The following RAB19 variants were observed in gnomAD, a reference collection of about 807,000 sequenced individuals.
RAB19 encodes ras-related protein Rab-19.
A neutral mutation model predicts 17.3 loss-of-function variants in RAB19; 21 were observed. The ratio of observed to expected loss-of-function variants is 1.21; its 90% CI spans 0.86 to 1.74. RAB19 has a LOEUF of 1.74. Among genes scored for constraint, RAB19 ranks in the 40% most tolerant of loss-of-function variants. The pLI, the probability that RAB19 is intolerant of heterozygous loss-of-function variation, is 0.00. For missense variants in RAB19, 277 were observed against 286.8 expected (o/e 0.97, Z 0.25); for synonymous variants, 126 against 110.4 (o/e 1.14, Z -0.88).
rs1172427827 is a variant in RAB19, at chr7:140,426,142, A to T, written c.646A>T (p.Thr216Ser). 6.2e-7 allele frequency: 1 copy of T among 1,612,798 alleles called. No homozygotes were observed. Among genetic ancestry groups the T allele is most frequent in the Admixed American group, 1.7e-5 (1 of 59,664 alleles). The change falls in exon 4 of 4, where the codon ACT (threonine) becomes TCT (serine). Residue 216 changes from threonine (T) to serine (S), a missense_variant. Physicochemically the swap from Thr to Ser is moderately conservative, Grantham distance 58. Coordinates refer to ENST00000537763, the MANE Select transcript of RAB19 (RefSeq NM_001008749.3). ...GGGTCCAAGTGAAAAGACCCACTGC[A>T]CTTGCTAAGATGTTTGCAAAGCCAG... ...AQGPSEKTHC[T>S]C
chr7:140,418,366 A>G (rs994876857), intron 3 of RAB19, among the ~76,000 whole-genome samples: 29 of 137,946 alleles, frequency 2.1e-4, no homozygotes, highest in Non-Finnish European at 1.1e-4. Flanking sequence ...AGCCTGGGCA[A>G]CATGGTGAAA....
Position 140,407,652 on chromosome 7 carries a change from C to T in RAB19, c.6C>T (p.His2=). 1 of 1,614,098 alleles carries T rather than the reference C, an allele frequency of 6.2e-7. No homozygotes were observed. Among genetic ancestry groups the T allele is most frequent in the South Asian group, 1.1e-5 (1 of 91,084 alleles). The change falls in exon 2 of 4, where the codon CAC becomes CAT. Residue 2 remains histidine, a synonymous_variant. Transcript: ENST00000537763. ...TGTTCTAGGTGGCAAGAACCATGCA[C>T]TTCTCCAGCTCAGCCAGGGCAGCAG... M[H]FSSSARAADE... is the part of the protein sequence containing the mutation.
Position 140,409,631 on chromosome 7 carries a change from G to A in RAB19, c.201+1784G>A, listed in dbSNP as rs572801750. 1.4e-4 allele frequency among the ~76,000 whole-genome samples: 21 copies of A among 152,062 alleles called. No homozygotes were observed. In the South Asian group the frequency reaches 2.5e-3, roughly 18 times the overall value. ...GAAAATTACTTGAACCCAGGAGGCA[G>A]AGGTTGCAGTGAGCTGAGATCACAC... On this transcript the variant is annotated intron_variant, in intron 2 of 3. Coordinates refer to ENST00000537763, the MANE Select transcript of RAB19 (RefSeq NM_001008749.3).
chr7:140,417,864 C>A (rs1184724851), intron 3 of RAB19, among the ~76,000 whole-genome samples: 1 of 152,190 alleles, frequency 6.6e-6, no homozygotes, highest in Non-Finnish European at 1.5e-5. Context: ...CCTCTACCTC[C>A]CCCTTGTAAG....
At chr7:140,408,777 G>A (rs1231037906) in intron 2 of RAB19, among the ~76,000 whole-genome samples, 1 of 151,830 alleles carries the variant, frequency 6.6e-6, no homozygotes, top group Non-Finnish European at 1.5e-5. Context: ...CACCCAGCCT[G>A]AGACAGGGTC....
chr7:140,415,736 T>C (rs1799444167), intron 3 of RAB19, among the ~76,000 whole-genome samples: 2 of 150,560 alleles, frequency 1.3e-5, no homozygotes, highest in South Asian at 4.2e-4. Flanking sequence ...GCGGATTATT[T>C]TGTAATAAAA....
intron 2 of RAB19, chr7:140,411,038 C>A (rs751698721): frequency 7.3e-7 from 1 of 1,367,742 alleles, no homozygotes; most frequent in Non-Finnish European, 9.8e-7. Flanking sequence ...AAAAGATGAG[C>A]CCCCAAATCT....
rs1458582423 is a variant in RAB19 at position 140,427,671 on chromosome 7, C to T, written c.*1521C>T. Among the ~76,000 whole-genome samples the T allele has an allele frequency of 3.3e-5, 5 of 149,994 alleles. No individual in the cohort carries two copies. The highest frequency in any genetic ancestry group is 3.0e-5 in the Non-Finnish European group (2 of 67,436). ...TTCACCACGTTGGCCAGGCTGGTCT[C>T]GAACTCCTGACCTCATGATCCACCT... On this transcript the variant is annotated 3_prime_UTR_variant, in exon 4 of 4. Coordinates refer to ENST00000537763, the MANE Select transcript of RAB19 (RefSeq NM_001008749.3).
chr7:140,407,703 GATTATCCTC>G lies in RAB19; in HGVS notation c.61_69del (p.Ile21_Ile23del). On this transcript the variant is annotated inframe_deletion, in exon 2 of 4. Coordinates refer to ENST00000537763, the MANE Select transcript of RAB19 (RefSeq NM_001008749.3). ...ATGAGAACTTTGACTATTTGTTCAAGATTATCCTCATTGGGGATTCCAATGTGGGGAAGA... is the reference window on the plus strand; with the variant it reads ...ATGAGAACTTTGACTATTTGTTCAAGATTGGGGATTCCAATGTGGGGAAGA... The G allele has an allele frequency of 6.2e-7, 1 of 1,614,084 alleles. No homozygotes were observed. Among genetic ancestry groups the G allele is most frequent in the Non-Finnish European group, 8.5e-7 (1 of 1,180,024 alleles).
intron 3 of RAB19, 107 bp downstream of exon 3, chr7:140,412,164 T>G: frequency 4.1e-6 from 5 of 1,221,918 alleles, no homozygotes; most frequent in Non-Finnish European, 4.7e-6. Context: ...AAAGTGTAAG[T>G]GATGCAGCCG....
intron 3 of RAB19, among the ~76,000 whole-genome samples, chr7:140,417,896 G>A (rs1320976947): frequency 1.3e-5 from 2 of 152,066 alleles, no homozygotes; most frequent in Non-Finnish European, 1.5e-5. Context: ...TTGCATTCAG[G>A]GCCTGCCCAG....
At chr7:140,421,427 C>G (rs1187277244) in intron 3 of RAB19, among the ~76,000 whole-genome samples, 1 of 151,610 alleles carries the variant, frequency 6.6e-6, no homozygotes, top group Non-Finnish European at 1.5e-5. Context: ...GTGGCCCAAT[C>G]TTGCTTCACT....
intron 1 of RAB19, among the ~76,000 whole-genome samples, chr7:140,406,454 A>G (rs933311793): frequency 1.3e-5 from 2 of 151,836 alleles, no homozygotes; most frequent in Admixed American, 6.6e-5. Flanking sequence ...AGCCTGACCA[A>G]CATGGTGAAA....
At chr7:140,425,834 A>G (rs758519967) in intron 3 of RAB19, 48 bp from the exon 4 acceptor site, 1 of 1,548,260 alleles carries the variant, frequency 6.5e-7, no homozygotes, top group Non-Finnish European at 8.7e-7. Context: ...TTTGAAAGAA[A>G]CCAGATTAAG....
intron 1 of RAB19, among the ~76,000 whole-genome samples, chr7:140,406,685 C>T (rs952496705): frequency 1.3e-5 from 2 of 151,346 alleles, no homozygotes; most frequent in South Asian, 4.2e-4. Flanking sequence ...TATGCCATAA[C>T]CAGCCTTTGG....
chr7:140,415,081 C>CTTT (rs201147147), intron 3 of RAB19, among the ~76,000 whole-genome samples: 1 of 144,044 alleles, frequency 6.9e-6, no homozygotes, highest in East Asian at 2.0e-4. Flanking sequence ...CTTTTCTTTT[C>CTTT]TTTTTTTTTT....
At position 140,405,161 on chromosome 7, in the gene RAB19, AGAGGG is replaced by A. The variant is rs760874835; in HGVS notation, c.-24+960_-24+964del. Among the ~76,000 whole-genome samples, 9 of 150,462 alleles carry A rather than the reference AGAGGG, an allele frequency of 6.0e-5. 1 individual carries two copies. Among genetic ancestry groups the A allele is most frequent in the African/African-American group, 1.9e-4 (8 of 41,206 alleles). On this transcript the variant is annotated intron_variant, in intron 1 of 3. Transcript: ENST00000537763. ...AATCACCTGGGGAAGAGACAGAGCA[AGAGGG>A]GAGGGGAGGGGAGGGAAGAGAGACA... is the stretch of plus-strand genomic sequence containing the variant.
At chr7:140,406,987 G>C (rs1209156043) in intron 1 of RAB19, among the ~76,000 whole-genome samples, 1 of 151,920 alleles carries the variant, frequency 6.6e-6, no homozygotes, top group Non-Finnish European at 1.5e-5. Context: ...CCGGATTCAA[G>C]TGATTCTCTG....
At chr7:140,407,007 T>C (rs954028693) in intron 1 of RAB19, among the ~76,000 whole-genome samples, 2 of 152,034 alleles carry the variant, frequency 1.3e-5, no homozygotes, top group African/African-American at 4.8e-5. Flanking sequence ...GGCCTCAGCC[T>C]CCCGAATAGC....
Sources: allele counts gnomAD v4.1 joint callset (sites outside exome capture counted in the v4.1 genomes callset), GRCh38; gene constraint gnomAD v4.1.1; transcripts MANE v1.5; gene names NCBI Gene and HGNC (gene_info 2026-07-23, HGNC 2026-07-21).